The following ARFGAP3 variants were observed in gnomAD, a reference collection of about 807,000 sequenced individuals.
ARFGAP3 encodes the protein ARF GTPase activating protein 3.
ARFGAP3 carries 72 observed loss-of-function variants against 75.0 expected under a neutral mutation model. The observed-to-expected ratio is 0.96, with a 90% CI of 0.79 to 1.17. The LOEUF (loss-of-function observed/expected upper bound fraction) is 1.17, where lower values mean the gene tolerates loss of function less well. Among genes scored for constraint, ARFGAP3 ranks in the 50% most tolerant of loss-of-function variants. The pLI is 0.00. For missense variants in ARFGAP3, 620 were observed against 626.6 expected, an observed-to-expected ratio of 0.99 and a Z score of 0.11; for synonymous variants, 221 against 217.9, an observed-to-expected ratio of 1.01 and a Z score of -0.13.
intron 11 of ARFGAP3, among the ~76,000 whole-genome samples, chr22:42,815,301 C>T (rs1420978045): frequency 1.3e-5 from 2 of 152,114 alleles, no homozygotes; most frequent in Non-Finnish European, 2.9e-5. Flanking sequence ...TTGGGTATCA[C>T]TTCTGAGTAA....
chr22:42,823,713 ATAAAAAT>A lies in ARFGAP3; in HGVS notation c.626-18_626-12del, dbSNP rs1569151423. 3 of 1,545,210 alleles carry A rather than the reference ATAAAAAT, an allele frequency of 1.9e-6. No individual in the cohort carries two copies. Among genetic ancestry groups the A allele is most frequent in the Non-Finnish European group, 2.6e-6 (3 of 1,145,092 alleles). ...TGATAGAGGATACCTCTGCCAAAAAATAAAAATTAAAAAGTAAGACCAATAGAAATAA... is the reference window on the plus strand; with the variant it reads ...TGATAGAGGATACCTCTGCCAAAAAATAAAAAGTAAGACCAATAGAAATAA... On this transcript the variant is annotated splice_polypyrimidine_tract_variant and intron_variant, in intron 7 of 15. Coordinates refer to ENST00000263245, the MANE Select transcript of ARFGAP3 (RefSeq NM_014570.5).
At chr22:42,837,769 C>A (rs1308593597) in intron 3 of ARFGAP3, among the ~76,000 whole-genome samples, 1 of 146,990 alleles carries the variant, frequency 6.8e-6, no homozygotes, top group African/African-American at 2.5e-5. Context: ...TAGCGCCAAC[C>A]CCCTGGATTC....
At chr22:42,828,611 A>G (rs375991001) in intron 6 of ARFGAP3, among the ~76,000 whole-genome samples, 1 of 151,680 alleles carries the variant, frequency 6.6e-6, no homozygotes, top group African/African-American at 2.4e-5. Flanking sequence ...GTTAAAACAA[A>G]CTGTGACATC....
chr22:42,800,896 G>A lies in ARFGAP3; in HGVS notation c.1412-1736C>T, dbSNP rs577102072. Among the ~76,000 whole-genome samples, 40 of 152,324 alleles carry A rather than the reference G, an allele frequency of 2.6e-4. 1 individual carries two copies. In the South Asian group the frequency reaches 3.7e-3, roughly 14 times the overall value. On this transcript the variant is annotated intron_variant, in intron 14 of 15. Transcript: ENST00000263245. ...TTCCAGCCACCTGCTCAGGAAGAGC[G>A]TCCTTGACCCAGGGAATCTCTCCTC... is the stretch of plus-strand genomic sequence containing the variant.
chr22:42,849,518 G>C (rs73433301), intron 1 of ARFGAP3, among the ~76,000 whole-genome samples: 1,588 of 148,972 alleles, frequency 0.011, 24 homozygotes, highest in African/African-American at 0.036. Flanking sequence ...CTCTCACCTA[G>C]GCTGGAGTGC....
chr22:42,803,166 TTTA>T (rs1485202611), intron 14 of ARFGAP3, among the ~76,000 whole-genome samples: 1 of 152,152 alleles, frequency 6.6e-6, no homozygotes. Flanking sequence ...AGCTAATTTT[TTTA>T]TTTTTTAAAT....
intron 14 of ARFGAP3, among the ~76,000 whole-genome samples, chr22:42,806,633 T>C (rs1322102879): frequency 6.6e-6 from 1 of 152,244 alleles, no homozygotes; most frequent in East Asian, 1.9e-4. Flanking sequence ...TTAAGCCGCA[T>C]GACAACCTTG....
chr22:42,807,306 G>A lies in ARFGAP3; in HGVS notation c.1321-143C>T, dbSNP rs1343794088. On this transcript the variant is annotated intron_variant, in intron 13 of 15. Transcript: ENST00000263245. Reference sequence around the variant, plus strand: ...ACAGTTACTGAATGCCACTGCCAAGGCCAGGTCCTGCGGGACAGCACAAAG... The same window carrying A: ...ACAGTTACTGAATGCCACTGCCAAGACCAGGTCCTGCGGGACAGCACAAAG... 3.7e-5 allele frequency: 53 copies of A among 1,431,294 alleles called. 1 individual carries two copies. The highest frequency in any genetic ancestry group is 1.8e-4 in the South Asian group (12 of 67,814). 88.7% of individuals were successfully genotyped at this position (1,431,294 alleles called of 1,614,324 possible).
At chr22:42,856,239 AT>A (rs1000373161) in intron 1 of ARFGAP3, among the ~76,000 whole-genome samples, 4 of 152,112 alleles carry the variant, frequency 2.6e-5, no homozygotes, top group African/African-American at 4.8e-5. Context: ...AGAAACACCT[AT>A]TTTGTAACAC....
chr22:42,835,843 A>G (rs1200760940), intron 3 of ARFGAP3, among the ~76,000 whole-genome samples: 8 of 152,078 alleles, frequency 5.3e-5, no homozygotes, highest in Admixed American at 3.3e-4. Flanking sequence ...AACAAAAACT[A>G]GCTATGAGAC....
chr22:42,838,578 C>T (rs190501317), intron 3 of ARFGAP3, among the ~76,000 whole-genome samples: 7 of 151,682 alleles, frequency 4.6e-5, no homozygotes, highest in Non-Finnish European at 7.4e-5. Flanking sequence ...ATTCCAGGCA[C>T]GAGCCACCAT....
rs56147289 is a variant in ARFGAP3, at chr22:42,828,424, C to T, written c.566-1425G>A. ...TATAAAAATTAGCCAGGAGTGGTGG[C>T]ACATGCCTGTAATCCCAGCTACTTG... On this transcript the variant is annotated intron_variant, in intron 6 of 15. Transcript: ENST00000263245. Among the ~76,000 whole-genome samples, 722 of 152,098 alleles carry T rather than the reference C, an allele frequency of 4.7e-3. 5 individuals carry two copies. The highest frequency in any genetic ancestry group is 0.017 in the African/African-American group (704 of 41,508).
At position 42,835,980 on chromosome 22, in the gene ARFGAP3, CTTTT is replaced by C. The variant is rs545758118; in HGVS notation, c.262-491_262-488del. Among the ~76,000 whole-genome samples, 83 of 105,706 alleles carry C rather than the reference CTTTT, an allele frequency of 7.9e-4. 1 individual carries two copies. The highest frequency in any genetic ancestry group is 9.9e-4 in the African/African-American group (26 of 26,308). The allele number at this position is 105,706 out of a possible 152,430, so 69.3% of individuals were successfully genotyped here. ...TAATTCACGAGCAATCCATTTCTTT[CTTTT>C]TTTTTTTTTTTTTTTTTTGAGAGAG... On this transcript the variant is annotated intron_variant, in intron 3 of 15. Coordinates refer to ENST00000263245, the MANE Select transcript of ARFGAP3 (RefSeq NM_014570.5).
At position 42,834,329 on chromosome 22, in the gene ARFGAP3, G is replaced by C. The variant is rs771599309; in HGVS notation, c.394-4C>G. 3.1e-6 allele frequency: 5 copies of C among 1,611,624 alleles called. No individual in the cohort carries two copies. Among genetic ancestry groups the C allele is most frequent in the Non-Finnish European group, 4.2e-6 (5 of 1,179,294 alleles). The stretch of plus-strand genomic sequence containing the variant: ...CCACACAACTATCAAGCCACAGCTA[G>C]AACAAAAAAACAACACAGGGCTGAG... On this transcript the variant is annotated splice_polypyrimidine_tract_variant and splice_region_variant and intron_variant, in intron 4 of 15. Transcript: ENST00000263245.
intron 5 of ARFGAP3, among the ~76,000 whole-genome samples, chr22:42,832,532 T>C (rs1440733756): frequency 1.1e-5 from 1 of 87,314 alleles, no homozygotes; most frequent in Admixed American, 1.4e-4. Flanking sequence ...AGACTCCATC[T>C]CAAAAAAAAA....
chr22:42,798,402 C>G (rs1224496075), intron 15 of ARFGAP3, among the ~76,000 whole-genome samples: 1 of 152,226 alleles, frequency 6.6e-6, no homozygotes, highest in Non-Finnish European at 1.5e-5. Flanking sequence ...TACATTAATA[C>G]AATCCTTCTT....
intron 11 of ARFGAP3, among the ~76,000 whole-genome samples, chr22:42,811,851 C>A: frequency 6.6e-6 from 1 of 152,060 alleles, no homozygotes; most frequent in East Asian, 1.9e-4. Context: ...GACTGACAGG[C>A]GAGGTGGATG....
At chr22:42,804,589 C>T (rs1405843682) in intron 14 of ARFGAP3, among the ~76,000 whole-genome samples, 1 of 152,076 alleles carries the variant, frequency 6.6e-6, no homozygotes, top group East Asian at 1.9e-4. Flanking sequence ...ACCATGTTGG[C>T]CAGGCTGGTC....
intron 2 of ARFGAP3, among the ~76,000 whole-genome samples, chr22:42,844,413 C>T (rs1427068585): frequency 6.6e-6 from 1 of 151,772 alleles, no homozygotes; most frequent in Non-Finnish European, 1.5e-5. Flanking sequence ...GGTGAAACCC[C>T]GTCTCTAGTA....
Sources: allele counts gnomAD v4.1 joint callset (sites outside exome capture counted in the v4.1 genomes callset), GRCh38; gene constraint gnomAD v4.1.1; transcripts MANE v1.5; gene names NCBI Gene and HGNC (gene_info 2026-07-23, HGNC 2026-07-21).